Variants in CCDC73 observed in about 807,000 individuals in gnomAD.
The protein encoded by CCDC73 is coiled-coil domain-containing protein 73.
Under a neutral mutation model 116.5 loss-of-function variants are expected in CCDC73, and 95 were observed. The ratio of observed to expected loss-of-function variants is 0.82; its 90% CI spans 0.69 to 0.97. The LOEUF (loss-of-function observed/expected upper bound fraction) is 0.97, where lower values mean the gene tolerates loss of function less well. Ranked by LOEUF, CCDC73 falls within the 50% of genes least tolerant of loss-of-function variation. The pLI is 0.00. For missense variants in CCDC73, 1,066 were observed against 1,206.8 expected, an observed-to-expected ratio of 0.88 and a Z score of 1.73; for synonymous variants, 398 against 401.3, an observed-to-expected ratio of 0.99 and a Z score of 0.10.
At chr11:32,780,237 G>A (rs1850571172) in intron 1 of CCDC73, among the ~76,000 whole-genome samples, 1 of 151,956 alleles carries the variant, frequency 6.6e-6, no homozygotes, top group South Asian at 2.1e-4. Context: ...TTGCACGACT[G>A]CACTCCAGCC....
intron 1 of CCDC73, among the ~76,000 whole-genome samples, chr11:32,787,577 A>G (rs987830340): frequency 6.6e-6 from 1 of 152,184 alleles, no homozygotes; most frequent in Non-Finnish European, 1.5e-5. Context: ...TGGTTTCATC[A>G]TATTGTCTTT....
At chr11:32,739,194 T>C (rs1367335626) in intron 2 of CCDC73, among the ~76,000 whole-genome samples, 1 of 152,134 alleles carries the variant, frequency 6.6e-6, no homozygotes, top group Non-Finnish European at 1.5e-5. Context: ...CGTGGTTCCA[T>C]ATAAATTTTA....
At chr11:32,731,599 A>C (rs1850078771) in intron 2 of CCDC73, among the ~76,000 whole-genome samples, 1 of 151,946 alleles carries the variant, frequency 6.6e-6, no homozygotes. Flanking sequence ...AACATTTGCT[A>C]TTCTGCAATA....
chr11:32,759,966 A>G, intron 2 of CCDC73, 143 bp downstream of exon 2: 2 of 675,736 alleles, frequency 3.0e-6, no homozygotes, highest in South Asian at 1.8e-5. Flanking sequence ...AATCTGTCCT[A>G]TTCTCTTTTA....
rs202217143 is a variant in CCDC73 at position 32,613,724 on chromosome 11, T to C, written c.2594A>G (p.Glu865Gly). The change falls in exon 16 of 18, where the codon GAA becomes GGA. Residue 865 changes from glutamate (E) to glycine (G), a missense_variant. Physicochemically the swap from Glu to Gly is moderately conservative, Grantham distance 98. Transcript: ENST00000335185. ...TGGCTCTATGTGAAATGAATGTGAT[T>C]CCTCCAGCTGTCCTTCACTGAACAT... ...GKMFSEGQLE[E>G]SHSFHIEPSG... The C allele has an allele frequency of 1.5e-5, 24 of 1,614,006 alleles. No individual in the cohort carries two copies. In the East Asian group the frequency reaches 5.3e-4, roughly 36 times the overall value.
intron 14 of CCDC73, among the ~76,000 whole-genome samples, chr11:32,622,716 A>T (rs1855533961): frequency 7.7e-6 from 1 of 129,580 alleles, no homozygotes; most frequent in Non-Finnish European, 1.6e-5. Flanking sequence ...GACACAGCTC[A>T]CTTGGGCGGG....
intron 1 of CCDC73, among the ~76,000 whole-genome samples, chr11:32,791,973 A>G (rs1017973974): frequency 7.4e-6 from 1 of 135,352 alleles, no homozygotes; most frequent in Non-Finnish European, 1.6e-5. Flanking sequence ...TCAAAAAAAA[A>G]AACCACACAC....
At chr11:32,665,025 G>C (rs996027333) in intron 9 of CCDC73, among the ~76,000 whole-genome samples, 11 of 152,196 alleles carry the variant, frequency 7.2e-5, no homozygotes, top group African/African-American at 1.7e-4. Flanking sequence ...TTGAGAGACA[G>C]TTTGTTATAA....
Position 32,615,018 on chromosome 11 carries a change from T to C in CCDC73, c.1376-76A>G, listed in dbSNP as rs529150627. The C allele has an allele frequency of 4.8e-5, 40 of 830,216 alleles. 1 individual carries two copies. In the South Asian group the frequency reaches 5.1e-4, roughly 11 times the overall value. The allele number at this position is 830,216 out of a possible 1,614,324, so 51.4% of individuals were successfully genotyped here. The stretch of plus-strand genomic sequence containing the variant: ...TTTCATAAGACATATTTATCACCTA[T>C]TTTTATAAAAACATATTTAACCTTA... On this transcript the variant is annotated intron_variant, in intron 15 of 17. Transcript: ENST00000335185.
chr11:32,760,424 A>G (rs1196720865), intron 1 of CCDC73, among the ~76,000 whole-genome samples, 166 bp from the exon 2 acceptor site: 2 of 152,246 alleles, frequency 1.3e-5, no homozygotes, highest in Non-Finnish European at 2.9e-5. Flanking sequence ...AAAAACACTT[A>G]GCAAAAATGG....
chr11:32,740,825 A>G lies in CCDC73; in HGVS notation c.135+19284T>C, dbSNP rs377115986. 6.6e-5 allele frequency among the ~76,000 whole-genome samples: 10 copies of G among 151,900 alleles called. No individual in the cohort carries two copies. The East Asian group carries it at 9.7e-4, about 15-fold the overall frequency. On this transcript the variant is annotated intron_variant, in intron 2 of 17. Transcript: ENST00000335185. ...TAGACACTTACAGCTATAAACTTCC[A>G]TCTTACTATTGATTTTGCTGTATCC... is the stretch of plus-strand genomic sequence containing the variant.
intron 14 of CCDC73, among the ~76,000 whole-genome samples, chr11:32,628,087 AACTTG>A (rs1855593257): frequency 6.6e-6 from 1 of 152,216 alleles, no homozygotes; most frequent in Non-Finnish European, 1.5e-5. Context: ...CATACCAGAG[AACTTG>A]ACTTGCCTTC....
At position 32,613,867 on chromosome 11, in the gene CCDC73, C is replaced by T; in HGVS notation, c.2451G>A (p.Gln817=). 1 of 1,613,492 alleles carries T rather than the reference C, an allele frequency of 6.2e-7. No homozygotes were observed. The highest frequency in any genetic ancestry group is 1.1e-5 in the South Asian group (1 of 91,076). ...SNKKNQIDEN[Q]VTEATKNDLF... ...GGTCATTTTTTGTGGCTTCAGTTACCTGATTCTCATCAATCTGATTCTTTT... is the reference window on the plus strand; with the variant it reads ...GGTCATTTTTTGTGGCTTCAGTTACTTGATTCTCATCAATCTGATTCTTTT... Residue 817 remains glutamine, a synonymous_variant, in exon 16 of 18, where the codon CAG becomes CAA. Transcript: ENST00000335185.
chr11:32,692,571 C>A (rs1242331938), intron 6 of CCDC73, among the ~76,000 whole-genome samples: 1 of 152,084 alleles, frequency 6.6e-6, no homozygotes, highest in African/African-American at 2.4e-5. Context: ...TGGAGCTGAA[C>A]ATCTTAGAGA....
rs1855937970 is a variant in CCDC73, at chr11:32,662,423, C to T, written c.646-7451G>A. Among the ~76,000 whole-genome samples, 4 of 152,304 alleles carry T rather than the reference C, an allele frequency of 2.6e-5. No individual in the cohort carries two copies. In the South Asian group the frequency reaches 8.3e-4, roughly 32 times the overall value. On this transcript the variant is annotated intron_variant, in intron 9 of 17. Coordinates refer to ENST00000335185, the MANE Select transcript of CCDC73 (RefSeq NM_001008391.4). Reference sequence around the variant, plus strand: ...CTCATTGTGGTTTTGATTTGCATTTCTCTGATGGCCAGTGATGATGAGCAT... The same window carrying T: ...CTCATTGTGGTTTTGATTTGCATTTTTCTGATGGCCAGTGATGATGAGCAT...
chr11:32,754,878 CTTTTTTTTTTTT>C (rs34982926), intron 2 of CCDC73, among the ~76,000 whole-genome samples: 1 of 86,566 alleles, frequency 1.2e-5, no homozygotes, highest in African/African-American at 4.1e-5. Context: ...ATGGCTTCAA[CTTTTTTTTTTTT>C]TTTTTTTTTT....
chr11:32,798,059 G>A (rs571519979), upstream of CCDC73, among the ~76,000 whole-genome samples: 4 of 152,198 alleles, frequency 2.6e-5, no homozygotes, highest in Non-Finnish European at 5.9e-5. Context: ...TGCATAAGGT[G>A]CATAGGAAAC....
chr11:32,755,014 C>T (rs1307381896), intron 2 of CCDC73, among the ~76,000 whole-genome samples: 3 of 149,126 alleles, frequency 2.0e-5, no homozygotes, highest in African/African-American at 4.9e-5. Flanking sequence ...CAACCTCCCA[C>T]GTAGCTGGGA....
At chr11:32,757,164 T>C (rs1379687989) in intron 2 of CCDC73, among the ~76,000 whole-genome samples, 1 of 151,852 alleles carries the variant, frequency 6.6e-6, no homozygotes, top group Non-Finnish European at 1.5e-5. Flanking sequence ...TCAAAAATAC[T>C]ACACTGAGTT....
Sources: allele counts gnomAD v4.1 joint callset (sites outside exome capture counted in the v4.1 genomes callset), GRCh38; gene constraint gnomAD v4.1.1; transcripts MANE v1.5; gene names NCBI Gene and HGNC (gene_info 2026-07-23, HGNC 2026-07-21).